The following ARL15 variants were observed in gnomAD, a reference collection of about 807,000 sequenced individuals.
ARL15 encodes the protein ARF like GTPase 15, also known as ADP-ribosylation factor-like protein 15.
ARL15 carries 19 observed loss-of-function variants against 25.2 expected under a neutral mutation model. The ratio of observed to expected loss-of-function variants is 0.75; its 90% CI spans 0.53 to 1.10. The LOEUF is 1.10. Among genes scored for constraint, ARL15 ranks in the 50% least tolerant of loss-of-function variants. ARL15 has a pLI of 0.00. For synonymous variants in ARL15, 94 were observed against 86.8 expected, an observed-to-expected ratio of 1.08 and a Z score of -0.46; for missense variants, 220 against 246.0, an observed-to-expected ratio of 0.89 and a Z score of 0.71.
intron 1 of ARL15, among the ~76,000 whole-genome samples, chr5:54,285,031 T>TTAACTGTA (rs1758151484): frequency 6.6e-6 from 1 of 152,218 alleles, no homozygotes; most frequent in Non-Finnish European, 1.5e-5. Flanking sequence ...ACATAAGGCA[T>TTAACTGTA]AACTTGGAAT....
chr5:54,160,189 A>C (rs1222768127), intron 2 of ARL15, among the ~76,000 whole-genome samples: 2 of 152,256 alleles, frequency 1.3e-5, no homozygotes, highest in Non-Finnish European at 2.9e-5. Context: ...CTATGATTTC[A>C]ACATCATAAA....
At chr5:54,297,689 C>A (rs1046999085) in intron 1 of ARL15, among the ~76,000 whole-genome samples, 3 of 152,168 alleles carry the variant, frequency 2.0e-5, no homozygotes, top group African/African-American at 7.2e-5. Flanking sequence ...ATTGTCTGAC[C>A]ACATTGAACT....
intron 1 of ARL15, among the ~76,000 whole-genome samples, chr5:54,211,994 C>T (rs1756055666): frequency 6.6e-6 from 1 of 152,108 alleles, no homozygotes; most frequent in East Asian, 1.9e-4. Context: ...AGGAATGTGT[C>T]TGGCTACAAG....
At chr5:54,183,812 G>T (rs1339117107) in intron 1 of ARL15, among the ~76,000 whole-genome samples, 64 of 150,860 alleles carry the variant, frequency 4.2e-4, no homozygotes, top group African/African-American at 1.5e-3. Flanking sequence ...TATGTTTATT[G>T]CGGCATTATT....
At chr5:53,893,608 A>AAAAC (rs34736180) in intron 4 of ARL15, among the ~76,000 whole-genome samples, 105 of 152,162 alleles carry the variant, frequency 6.9e-4, no homozygotes, top group African/African-American at 1.3e-3. Flanking sequence ...ACTCCATCTC[A>AAAAC]AAACAAACAA....
intron 1 of ARL15, among the ~76,000 whole-genome samples, chr5:54,244,005 C>T (rs1458498831): frequency 6.6e-6 from 1 of 152,206 alleles, no homozygotes; most frequent in East Asian, 1.9e-4. Flanking sequence ...AGCAGTTATG[C>T]ACAAATCTCT....
chr5:53,947,184 G>GTA (rs1746775084), intron 4 of ARL15, among the ~76,000 whole-genome samples: 1 of 144,736 alleles, frequency 6.9e-6, no homozygotes, highest in Admixed American at 6.8e-5. Context: ...GTGTGTGTGT[G>GTA]TGTGTGTGTG....
chr5:53,901,945 A>C (rs982767587), intron 4 of ARL15, among the ~76,000 whole-genome samples: 2 of 152,210 alleles, frequency 1.3e-5, no homozygotes, highest in Non-Finnish European at 1.5e-5. Context: ...TTCCCACCAT[A>C]GCCTTTGATT....
intron 4 of ARL15, among the ~76,000 whole-genome samples, chr5:54,014,684 C>A (rs112178244): frequency 0.038 from 5,833 of 151,958 alleles, 112 homozygotes; most frequent in Non-Finnish European, 0.056. Context: ...CCATACCTGG[C>A]TAGATTTTTT....
At chr5:54,140,464 ATAG>A (rs1203372322) in intron 3 of ARL15, among the ~76,000 whole-genome samples, 2 of 151,514 alleles carry the variant, frequency 1.3e-5, no homozygotes, top group African/African-American at 4.8e-5. Context: ...AGATAGATAG[ATAG>A]AGATAGAGAT....
intron 4 of ARL15, among the ~76,000 whole-genome samples, chr5:54,062,591 T>G (rs1357357788): frequency 2.0e-5 from 3 of 151,980 alleles, no homozygotes; most frequent in Non-Finnish European, 4.4e-5. Context: ...ACATAAGATG[T>G]GATTTACTCC....
intron 1 of ARL15, among the ~76,000 whole-genome samples, chr5:54,173,687 C>T (rs566752405): frequency 1.3e-5 from 2 of 152,256 alleles, no homozygotes; most frequent in East Asian, 3.9e-4. Flanking sequence ...CTTGTGCCCC[C>T]TATTCTCCAC....
chr5:54,107,774 T>C (rs887757520), intron 4 of ARL15, among the ~76,000 whole-genome samples: 1 of 152,220 alleles, frequency 6.6e-6, no homozygotes, highest in African/African-American at 2.4e-5. Flanking sequence ...TTTTTGTATA[T>C]ACATTGACAT....
chr5:54,106,946 G>A (rs1197660887), intron 4 of ARL15, among the ~76,000 whole-genome samples: 1 of 152,152 alleles, frequency 6.6e-6, no homozygotes, highest in Non-Finnish European at 1.5e-5. Context: ...ACTTCCTGAT[G>A]TAATACATCA....
chr5:54,178,129 G>A (rs1246068124), intron 1 of ARL15, among the ~76,000 whole-genome samples: 2 of 152,182 alleles, frequency 1.3e-5, no homozygotes, highest in Admixed American at 6.5e-5. Context: ...ACAAATATGT[G>A]TTACTAGACG....
At chr5:54,127,708 C>A (rs1410088663) in intron 3 of ARL15, among the ~76,000 whole-genome samples, 1 of 151,514 alleles carries the variant, frequency 6.6e-6, no homozygotes, top group South Asian at 2.1e-4. Context: ...CCCGCATCAC[C>A]AAGTCAATCC....
At chr5:54,107,323 G>A (rs945980201) in intron 4 of ARL15, among the ~76,000 whole-genome samples, 1 of 152,098 alleles carries the variant, frequency 6.6e-6, no homozygotes, top group Non-Finnish European at 1.5e-5. Context: ...TACATCAGGG[G>A]TTTTCCTAGT....
chr5:54,259,317 C>G (rs1318850482), intron 1 of ARL15, among the ~76,000 whole-genome samples: 1 of 152,168 alleles, frequency 6.6e-6, no homozygotes, highest in Non-Finnish European at 1.5e-5. Context: ...TGCTGTCAAA[C>G]AGTTCTGTCA....
At chr5:54,022,550 T>C (rs1749640718) in intron 4 of ARL15, among the ~76,000 whole-genome samples, 1 of 152,170 alleles carries the variant, frequency 6.6e-6, no homozygotes. Flanking sequence ...TGAAGATTGC[T>C]AGCTGAGAGA....
Sources: allele counts gnomAD v4.1 joint callset (sites outside exome capture counted in the v4.1 genomes callset), GRCh38; gene constraint gnomAD v4.1.1; transcripts MANE v1.5; gene names NCBI Gene and HGNC (gene_info 2026-07-23, HGNC 2026-07-21).